LOC128462377: variants seen among roughly 807,000 people sequenced by gnomAD.
chr16:89,319,448 A>T, the LOC128462377 span, among the ~76,000 whole-genome samples: 6 of 152,138 alleles, frequency 3.9e-5, no homozygotes, highest in African/African-American at 1.4e-4. Context: ...GGGACTCGGG[A>T]GTGTTGTCCC....
At chr16:89,333,042 C>A in the LOC128462377 span, among the ~76,000 whole-genome samples, 1 of 152,176 alleles carries the variant, frequency 6.6e-6, no homozygotes, top group African/African-American at 2.4e-5. Context: ...TGACAGGGAA[C>A]CCCCAGGGAA....
chr16:89,389,030 G>A, the LOC128462377 span, among the ~76,000 whole-genome samples: 1 of 152,184 alleles, frequency 6.6e-6, no homozygotes, highest in African/African-American at 2.4e-5. Flanking sequence ...TCTCAGGCAT[G>A]GAAGGTGGAA....
the LOC128462377 span, among the ~76,000 whole-genome samples, chr16:89,342,651 C>T: frequency 1.3e-5 from 2 of 152,206 alleles, no homozygotes; most frequent in Non-Finnish European, 2.9e-5. Context: ...TATGAGCTGA[C>T]ATTCTTAAGA....
At chr16:89,387,864 G>T in the LOC128462377 span, among the ~76,000 whole-genome samples, 2 of 151,204 alleles carry the variant, frequency 1.3e-5, no homozygotes, top group African/African-American at 4.9e-5. Flanking sequence ...AATTAGCCAG[G>T]CGTGGTGGTG....
the LOC128462377 span, among the ~76,000 whole-genome samples, chr16:89,369,543 T>C: frequency 6.6e-6 from 1 of 152,188 alleles, no homozygotes; most frequent in Non-Finnish European, 1.5e-5. Flanking sequence ...ACGTCTGGAA[T>C]AGGCAGATAA....
the LOC128462377 span, chr16:89,328,904 C>T: frequency 8.8e-6 from 1 of 113,702 alleles, no homozygotes; most frequent in Non-Finnish European, 1.8e-5. Flanking sequence ...GGAGCACGGG[C>T]GAAATCAGTG....
the LOC128462377 span, among the ~76,000 whole-genome samples, chr16:89,335,665 C>T: frequency 6.6e-6 from 1 of 152,240 alleles, no homozygotes; most frequent in Non-Finnish European, 1.5e-5. Context: ...TGTGTCTCTG[C>T]ACCTCAGCTG....
chr16:89,382,623 C>A, the LOC128462377 span, among the ~76,000 whole-genome samples: 1 of 152,078 alleles, frequency 6.6e-6, no homozygotes, highest in East Asian at 1.9e-4. Context: ...AGGCCTGAGC[C>A]ACCACACTTG....
the LOC128462377 span, among the ~76,000 whole-genome samples, chr16:89,330,232 G>A: frequency 1.3e-5 from 2 of 152,064 alleles, no homozygotes; most frequent in African/African-American, 4.8e-5. Context: ...TCAGGGGCAG[G>A]ACACAAAGCA....
chr16:89,368,134 T>C, the LOC128462377 span, among the ~76,000 whole-genome samples: 1 of 152,146 alleles, frequency 6.6e-6, no homozygotes, highest in African/African-American at 2.4e-5. Flanking sequence ...GTTTAAAAAA[T>C]AAGTCCTACA....
chr16:89,326,862 G>A, the LOC128462377 span, among the ~76,000 whole-genome samples: 1 of 152,244 alleles, frequency 6.6e-6, no homozygotes, highest in East Asian at 1.9e-4. Flanking sequence ...GCCCGCCAGG[G>A]GCTGCTGGTG....
the LOC128462377 span, among the ~76,000 whole-genome samples, chr16:89,328,173 G>C: frequency 6.6e-6 from 1 of 152,106 alleles, no homozygotes; most frequent in African/African-American, 2.4e-5. Flanking sequence ...ACACCAATCG[G>C]AACAGCTAAA....
chr16:89,338,885 A>G, the LOC128462377 span, among the ~76,000 whole-genome samples: 1 of 152,156 alleles, frequency 6.6e-6, no homozygotes, highest in Non-Finnish European at 1.5e-5. Flanking sequence ...CTTGGAGCAA[A>G]ATAAGCCTAA....
the LOC128462377 span, among the ~76,000 whole-genome samples, chr16:89,355,209 C>T: frequency 2.6e-3 from 394 of 152,112 alleles, 1 homozygote; most frequent in African/African-American, 9.1e-3. Context: ...GCTCGGGAGG[C>T]GGGCAGAGGG....
At chr16:89,347,608 A>C in the LOC128462377 span, among the ~76,000 whole-genome samples, 11 of 28,948 alleles carry the variant, frequency 3.8e-4, no homozygotes, top group Non-Finnish European at 1.6e-4. Flanking sequence ...GAGACTCCGT[A>C]AAAAAAAAAA....
At chr16:89,336,477 A>G in the LOC128462377 span, among the ~76,000 whole-genome samples, 2 of 152,244 alleles carry the variant, frequency 1.3e-5, no homozygotes, top group South Asian at 4.1e-4. Context: ...GGCCAGACGG[A>G]GTCCAGGAGG....
chr16:89,335,191 C>T, the LOC128462377 span, among the ~76,000 whole-genome samples: 3 of 152,158 alleles, frequency 2.0e-5, no homozygotes, highest in African/African-American at 4.8e-5. Flanking sequence ...GAGCTCAGTG[C>T]GTGCCTTCCC....
At chr16:89,375,033 TATAA>T in the LOC128462377 span, among the ~76,000 whole-genome samples, 1 of 152,060 alleles carries the variant, frequency 6.6e-6, no homozygotes. Flanking sequence ...ATTAAACGCT[TATAA>T]ATACTTACAG....
chr16:89,327,747 G>T, the LOC128462377 span, among the ~76,000 whole-genome samples: 2 of 152,064 alleles, frequency 1.3e-5, no homozygotes, highest in African/African-American at 2.4e-5. Flanking sequence ...AAAAATAAAT[G>T]CTTAGGTTCA....
Sources: gnomAD v4.1 joint callset for allele counts (sites outside exome capture counted in the v4.1 genomes callset) on GRCh38, gnomAD v4.1.1 for gene constraint, MANE v1.5 for transcripts.